The following OPRM1 variants were observed in gnomAD, a reference collection of about 807,000 sequenced individuals.
OPRM1 encodes mu-type opioid receptor.
OPRM1 carries 27 observed loss-of-function variants against 31.8 expected under a neutral mutation model. The ratio of observed to expected loss-of-function variants is 0.85; its 90% confidence interval spans 0.63 to 1.17. The LOEUF (loss-of-function observed/expected upper bound fraction) is 1.17. Ranked by LOEUF, OPRM1 falls within the 50% of genes most tolerant of loss-of-function variation. OPRM1 has a pLI of 0.00. For missense variants in OPRM1, 536 were observed against 511.1 expected, an observed-to-expected ratio of 1.05 and a Z score of -0.47; for synonymous variants, 196 against 189.9, an observed-to-expected ratio of 1.03 and a Z score of -0.26.
chr6:154,146,047 A>G (rs577304608), intron 3 of OPRM1, among the ~76,000 whole-genome samples: 1 of 152,374 alleles, frequency 6.6e-6, no homozygotes, highest in East Asian at 1.9e-4. Flanking sequence ...TGCATGGGGC[A>G]TCTCAGCAAG....
At chr6:154,229,067 G>T (rs1183145428) in intron 3 of OPRM1, among the ~76,000 whole-genome samples, 1 of 151,978 alleles carries the variant, frequency 6.6e-6, no homozygotes, top group Non-Finnish European at 1.5e-5. Flanking sequence ...TCTGGACTAG[G>T]TGCCCCCATG....
upstream of OPRM1, among the ~76,000 whole-genome samples, chr6:154,037,753 T>A (rs17180968): frequency 0.029 from 4,389 of 152,218 alleles, 199 homozygotes; most frequent in African/African-American, 0.1. Context: ...CCCTCGCCTT[T>A]TTTAAGTAAT....
intron 3 of OPRM1, among the ~76,000 whole-genome samples, chr6:154,202,266 G>C (rs772553073): frequency 4.6e-5 from 7 of 151,998 alleles, no homozygotes; most frequent in Non-Finnish European, 8.8e-5. Context: ...AATCCATTCA[G>C]GAATATGTCA....
At chr6:154,100,040 A>ATGAT (rs10657350) in intron 3 of OPRM1, among the ~76,000 whole-genome samples, 50,936 of 105,472 alleles carry the variant, frequency 0.48, 13,013 homozygotes, top group East Asian at 0.78. Flanking sequence ...ATATTATCAT[A>ATGAT]TGATATATAT....
chr6:154,189,444 G>C (rs1295338075), intron 3 of OPRM1, among the ~76,000 whole-genome samples: 1 of 152,036 alleles, frequency 6.6e-6, no homozygotes, highest in Non-Finnish European at 1.5e-5. Flanking sequence ...TTTTCATTAA[G>C]AGCATTTAAA....
rs1583173231 is a variant in OPRM1 at position 154,039,738 on chromosome 6, C to T, written c.194C>T (p.Pro65Leu). ...RDSLCPPTGS[P>L]SMITAITIMA... Reference sequence around the variant, plus strand: ...AGCCTGTGCCCTCCGACCGGCAGTCCCTCCATGATCACGGCCATCACGATC... The same window carrying T: ...AGCCTGTGCCCTCCGACCGGCAGTCTCTCCATGATCACGGCCATCACGATC... The change falls in exon 1 of 4, where the codon CCC becomes CTC. Residue 65 changes from proline (P) to leucine (L), a missense_variant. Transcript: ENST00000330432. The T allele has an allele frequency of 1.2e-6, 2 of 1,608,974 alleles. No individual in the cohort carries two copies. The highest frequency in any genetic ancestry group is 1.7e-6 in the Non-Finnish European group (2 of 1,179,616).
At chr6:154,162,464 T>C (rs1799104178) in intron 3 of OPRM1, among the ~76,000 whole-genome samples, 2 of 152,330 alleles carry the variant, frequency 1.3e-5, no homozygotes, top group Admixed American at 6.5e-5. Context: ...CAATAAACCA[T>C]TAAATCAATG....
intron 1 of OPRM1, among the ~76,000 whole-genome samples, chr6:154,065,394 T>A (rs1230954007): frequency 1.3e-5 from 2 of 152,164 alleles, no homozygotes; most frequent in Non-Finnish European, 1.5e-5. Context: ...GTGACCCACC[T>A]GCTTTGGTCT....
At chr6:154,060,048 G>T (rs1159986002) in intron 1 of OPRM1, among the ~76,000 whole-genome samples, 1 of 152,208 alleles carries the variant, frequency 6.6e-6, no homozygotes, top group African/African-American at 2.4e-5. Flanking sequence ...ATGGGAGAGG[G>T]GTTATAGCAA....
chr6:154,246,858 A>C, exon 4 of OPRM1: 1 of 1,341,852 alleles, frequency 7.5e-7, no homozygotes, highest in Non-Finnish European at 9.8e-7. Flanking sequence ...GCAACTTTTA[A>C]TTGTTAACCC....
intron 3 of OPRM1, chr6:154,108,017 G>GAGAA (rs1795859779): frequency 3.1e-6 from 2 of 655,688 alleles, no homozygotes; most frequent in Admixed American, 4.5e-5. Flanking sequence ...TTTGCACAGA[G>GAGAA]AGAAAGAAGA....
chr6:154,043,566 C>T (rs1356027716), intron 1 of OPRM1, among the ~76,000 whole-genome samples: 1 of 151,482 alleles, frequency 6.6e-6, no homozygotes, highest in Non-Finnish European at 1.5e-5. Flanking sequence ...AATTCACACA[C>T]ACACATACAT....
chr6:154,228,474 T>G (rs1387043705), intron 3 of OPRM1, among the ~76,000 whole-genome samples: 6 of 152,190 alleles, frequency 3.9e-5, no homozygotes, highest in Non-Finnish European at 8.8e-5. Flanking sequence ...AAGAAACACG[T>G]TCCTTTTCAC....
intron 1 of OPRM1, among the ~76,000 whole-genome samples, chr6:154,078,098 C>T (rs1383998220): frequency 6.6e-6 from 1 of 152,144 alleles, no homozygotes; most frequent in Non-Finnish European, 1.5e-5. Context: ...TCTGGCCATT[C>T]CTTAGTTCCT....
chr6:154,110,460 G>A, intron 3 of OPRM1: 1 of 1,241,808 alleles, frequency 8.1e-7, no homozygotes, highest in Non-Finnish European at 1.2e-6. Context: ...AAGCCAGAGA[G>A]CCTGGGTTCT....
intron 3 of OPRM1, among the ~76,000 whole-genome samples, chr6:154,103,706 G>A (rs1011309177): frequency 1.3e-5 from 2 of 152,220 alleles, no homozygotes; most frequent in East Asian, 3.9e-4. Flanking sequence ...TATTATTCAT[G>A]CCTCCCCTTT....
intron 1 of OPRM1, 32 bp from the exon 2 acceptor site, chr6:154,089,794 C>A: frequency 6.8e-7 from 1 of 1,475,308 alleles, no homozygotes; most frequent in South Asian, 1.2e-5. Context: ...GTGTCTTTTA[C>A]TGATTCTCAC....
chr6:154,026,471 T>C (rs1778702979), intron 1 of OPRM1, among the ~76,000 whole-genome samples: 1 of 152,170 alleles, frequency 6.6e-6, no homozygotes, highest in Admixed American at 6.5e-5. Context: ...TAAATATTGC[T>C]ATCTTTCTCT....
intron 1 of OPRM1, among the ~76,000 whole-genome samples, chr6:154,081,521 A>G (rs1025965310): frequency 6.7e-6 from 1 of 149,676 alleles, no homozygotes; most frequent in Admixed American, 6.6e-5. Context: ...AAATAAATAA[A>G]TGAAAGAAAA....
Sources: allele counts gnomAD v4.1 joint callset (sites outside exome capture counted in the v4.1 genomes callset), GRCh38; gene constraint gnomAD v4.1.1; transcripts MANE v1.5; gene names NCBI Gene and HGNC (gene_info 2026-07-23, HGNC 2026-07-21).